DPP10: variants seen among roughly 807,000 people sequenced by gnomAD.
DPP10 encodes the protein dipeptidyl peptidase like 10.
Under a neutral mutation model 120.9 loss-of-function variants are expected in DPP10, and 33 were observed. That is an observed-to-expected ratio of 0.27 (90% CI 0.21 to 0.37). The LOEUF is 0.37. Among genes scored for constraint, DPP10 ranks in the 10% least tolerant of loss-of-function variants. The pLI is 1.00. For missense variants in DPP10, 816 were observed against 942.8 expected (o/e 0.87, Z 1.76); for synonymous variants, 337 against 326.1 (o/e 1.03, Z -0.36).
chr2:115,060,217 A>G (rs970146789), intron 1 of DPP10, among the ~76,000 whole-genome samples: 1 of 148,874 alleles, frequency 6.7e-6, no homozygotes, highest in African/African-American at 2.4e-5. Flanking sequence ...ATATATATAC[A>G]CTATATATAT....
intron 4 of DPP10, among the ~76,000 whole-genome samples, chr2:115,521,745 G>A (rs917350415): frequency 1.3e-5 from 2 of 152,020 alleles, no homozygotes; most frequent in African/African-American, 2.4e-5. Flanking sequence ...AACTCGAGAT[G>A]TCATCAAATC....
At chr2:115,431,289 A>G (rs1198309446) in intron 3 of DPP10, among the ~76,000 whole-genome samples, 2 of 152,180 alleles carry the variant, frequency 1.3e-5, no homozygotes, top group African/African-American at 4.8e-5. Flanking sequence ...ACAAGCAAGT[A>G]CTGTTACCTG....
chr2:114,827,350 T>G (rs1164584864), intron 1 of DPP10, among the ~76,000 whole-genome samples: 1 of 152,118 alleles, frequency 6.6e-6, no homozygotes, highest in Non-Finnish European at 1.5e-5. Flanking sequence ...TTCCAATTAT[T>G]GAAGCTCTAT....
intron 1 of DPP10, among the ~76,000 whole-genome samples, chr2:114,946,257 G>A (rs1033010828): frequency 6.6e-6 from 1 of 152,110 alleles, no homozygotes; most frequent in Admixed American, 6.5e-5. Flanking sequence ...TAATGATAGG[G>A]GAAAGTGGGT....
intron 2 of DPP10, among the ~76,000 whole-genome samples, chr2:115,311,814 G>A (rs1431513254): frequency 6.6e-6 from 1 of 152,096 alleles, no homozygotes; most frequent in African/African-American, 2.4e-5. Flanking sequence ...TGCTCAGGCT[G>A]GACTGCAGTG....
intron 1 of DPP10, among the ~76,000 whole-genome samples, chr2:115,276,984 G>T (rs866045754): frequency 6.6e-6 from 1 of 152,058 alleles, no homozygotes; most frequent in Admixed American, 6.6e-5. Flanking sequence ...AATTATAAAA[G>T]TTGATATTTC....
intron 1 of DPP10, among the ~76,000 whole-genome samples, chr2:114,930,613 AT>A (rs1695997453): frequency 6.6e-6 from 1 of 152,108 alleles, no homozygotes; most frequent in Non-Finnish European, 1.5e-5. Context: ...CATCACAACC[AT>A]TGTCTTAGTT....
intron 4 of DPP10, among the ~76,000 whole-genome samples, chr2:115,506,256 G>A (rs1008993818): frequency 4.6e-5 from 7 of 151,992 alleles, no homozygotes; most frequent in Non-Finnish European, 1.0e-4. Flanking sequence ...TATTAAATTA[G>A]TATTTTAGTT....
intron 1 of DPP10, among the ~76,000 whole-genome samples, chr2:115,234,813 C>T (rs1050192904): frequency 6.6e-6 from 1 of 152,102 alleles, no homozygotes; most frequent in African/African-American, 2.4e-5. Flanking sequence ...TATAAGCACC[C>T]ACGCATGCTT....
At chr2:114,470,249 T>C (rs1368030992) in intron 1 of DPP10, among the ~76,000 whole-genome samples, 1 of 152,182 alleles carries the variant, frequency 6.6e-6, no homozygotes. Flanking sequence ...TTAACTTGCC[T>C]ACCTTTATTT....
At chr2:114,958,864 A>C (rs1319306829) in intron 1 of DPP10, among the ~76,000 whole-genome samples, 1 of 152,164 alleles carries the variant, frequency 6.6e-6, no homozygotes, top group Non-Finnish European at 1.5e-5. Context: ...TGTTATATAC[A>C]AGGTAGGCTT....
At chr2:114,945,597 C>T (rs1697287626) in intron 1 of DPP10, among the ~76,000 whole-genome samples, 1 of 151,942 alleles carries the variant, frequency 6.6e-6, no homozygotes, top group African/African-American at 2.4e-5. Flanking sequence ...GGTGGATCAC[C>T]TGAGGTAAGG....
At chr2:115,003,574 C>A (rs752420591) in intron 1 of DPP10, among the ~76,000 whole-genome samples, 7 of 151,920 alleles carry the variant, frequency 4.6e-5, no homozygotes, top group Non-Finnish European at 7.4e-5. Flanking sequence ...TTTGTGAAGT[C>A]TTTAGTTTAT....
intron 1 of DPP10, among the ~76,000 whole-genome samples, chr2:114,634,497 G>A (rs1695170749): frequency 6.6e-6 from 1 of 151,764 alleles, no homozygotes; most frequent in African/African-American, 2.4e-5. Flanking sequence ...AGAGCAGTCT[G>A]GTTGCAGAAG....
At chr2:114,525,020 G>A (rs1685378914) in intron 1 of DPP10, among the ~76,000 whole-genome samples, 1 of 152,142 alleles carries the variant, frequency 6.6e-6, no homozygotes, top group Non-Finnish European at 1.5e-5. Flanking sequence ...CTGGGAAGTG[G>A]CAATGTACCC....
chr2:114,763,010 C>G (rs759815050), intron 1 of DPP10, among the ~76,000 whole-genome samples: 1 of 152,072 alleles, frequency 6.6e-6, no homozygotes, highest in African/African-American at 2.4e-5. Flanking sequence ...AAACACTTCA[C>G]TCAGATGTGG....
chr2:115,321,231 G>A (rs1158294159), intron 2 of DPP10, among the ~76,000 whole-genome samples: 1 of 152,158 alleles, frequency 6.6e-6, no homozygotes, highest in Non-Finnish European at 1.5e-5. Context: ...AACCCAGGAG[G>A]CAGAGGCTGC....
intron 1 of DPP10, among the ~76,000 whole-genome samples, chr2:114,809,379 A>G (rs1238496279): frequency 2.6e-5 from 4 of 152,084 alleles, no homozygotes; most frequent in Non-Finnish European, 5.9e-5. Flanking sequence ...CTGTTCACTC[A>G]CCCTTTGATG....
rs141449835 is a variant in DPP10 at position 114,543,336 on chromosome 2, A to T, written c.60+100498A>T. ...CACCTAAAGCCTTTGCCAAGGGGCT[A>T]ATTTCCAACATTGACAGCATCCTCC... On this transcript the variant is annotated intron_variant, in intron 1 of 25. Transcript: ENST00000410059. 6.3e-3 allele frequency among the ~76,000 whole-genome samples: 957 copies of T among 152,330 alleles called. 8 individuals carry two copies. Among genetic ancestry groups the T allele is most frequent in the Non-Finnish European group, 9.8e-3 (664 of 68,036 alleles).
Sources: gnomAD v4.1 joint callset for allele counts (sites outside exome capture counted in the v4.1 genomes callset) on GRCh38, gnomAD v4.1.1 for gene constraint, MANE v1.5 for transcripts, NCBI Gene and HGNC (gene_info 2026-07-23, HGNC 2026-07-21) for gene names.